SOX6: variants seen among roughly 807,000 people sequenced by gnomAD.
SOX6 encodes the protein SRY-box transcription factor 6.
In SOX6, 11 loss-of-function variants were observed where a neutral mutation model predicts 97.8. The observed-to-expected ratio is 0.11, with a 90% confidence interval of 0.07 to 0.19. The LOEUF (loss-of-function observed/expected upper bound fraction) is 0.19. Ranked by LOEUF, SOX6 falls within the 10% of genes least tolerant of loss-of-function variation. The pLI is 1.00. For synonymous variants in SOX6, 360 were observed against 371.4 expected (o/e 0.97, Z 0.35); for missense variants, 810 against 1,039.5 (o/e 0.78, Z 3.04).
intron 4 of SOX6, among the ~76,000 whole-genome samples, chr11:16,580,913 A>T (rs10832646): frequency 0.41 from 61,828 of 151,848 alleles, 13,600 homozygotes; most frequent in African/African-American, 0.57. Flanking sequence ...CTCACGCCAG[A>T]CAGAATAGCG....
intron 12 of SOX6, among the ~76,000 whole-genome samples, chr11:16,044,136 T>C (rs1183322504): frequency 2.0e-5 from 3 of 152,118 alleles, no homozygotes; most frequent in Non-Finnish European, 2.9e-5. Context: ...CCTTAGCAAT[T>C]CTAAAAGCAC....
chr11:16,188,560 G>C (rs79540168), intron 4 of SOX6, among the ~76,000 whole-genome samples: 1 of 152,080 alleles, frequency 6.6e-6, no homozygotes, highest in South Asian at 2.1e-4. Context: ...AGGACAAAAA[G>C]TTCAACTAAT....
chr11:16,445,011 T>C (rs889895094), intron 1 of SOX6, among the ~76,000 whole-genome samples: 2 of 152,182 alleles, frequency 1.3e-5, no homozygotes, highest in African/African-American at 4.8e-5. Context: ...TTTTTTTCTG[T>C]ACTTGCCCCA....
At chr11:16,363,802 T>TA (rs113077220) in intron 1 of SOX6, among the ~76,000 whole-genome samples, 46,949 of 147,366 alleles carry the variant, frequency 0.32, 8,116 homozygotes, top group Non-Finnish European at 0.4. Context: ...AGCTTAAAGA[T>TA]AAAAAAAAAA....
At chr11:16,354,793 A>G (rs1484711636) in intron 1 of SOX6, among the ~76,000 whole-genome samples, 1 of 152,062 alleles carries the variant, frequency 6.6e-6, no homozygotes, top group Non-Finnish European at 1.5e-5. Context: ...AAAAAGTCTG[A>G]GCTACCCTAT....
rs1277664991 is a variant in SOX6 at position 16,613,651 on chromosome 11, A to G, written n.430-1391T>C. On this transcript the variant is annotated intron_variant and non_coding_transcript_variant, in intron 3 of 5. Coordinates refer to the SOX6 transcript ENST00000524520. The surrounding 1 kb of genome is among the most constrained non-coding windows in gnomAD (Gnocchi z 4.6). ...AGCACACACACACGCACGCACACAC[A>G]CAGACACGCGCGTATTCTGAAATTC... 1.3e-5 allele frequency among the ~76,000 whole-genome samples: 2 copies of G among 151,846 alleles called. No homozygotes were observed.
chr11:16,107,955 G>T (rs1849137633), intron 7 of SOX6, among the ~76,000 whole-genome samples: 1 of 152,108 alleles, frequency 6.6e-6, no homozygotes, highest in African/African-American at 2.4e-5. Flanking sequence ...AAGTTACTCA[G>T]TTTCACCGTC....
intron 4 of SOX6, among the ~76,000 whole-genome samples, chr11:16,189,030 T>C (rs1207777072): frequency 6.6e-6 from 1 of 152,128 alleles, no homozygotes; most frequent in African/African-American, 2.4e-5. Context: ...GCCACTGCAC[T>C]CCAGCCTGGG....
At chr11:16,090,023 T>C (rs556882991) in intron 9 of SOX6, among the ~76,000 whole-genome samples, 54 of 152,204 alleles carry the variant, frequency 3.5e-4, no homozygotes, top group African/African-American at 1.3e-3. Flanking sequence ...ATATGATACA[T>C]AATATCAACC....
At chr11:16,123,459 T>A (rs1849540472) in intron 6 of SOX6, among the ~76,000 whole-genome samples, 1 of 151,908 alleles carries the variant, frequency 6.6e-6, no homozygotes, top group Non-Finnish European at 1.5e-5. Context: ...CCTGTACATG[T>A]GATTGGGGGG....
chr11:16,489,077 T>G (rs894679326), intron 4 of SOX6, among the ~76,000 whole-genome samples: 1 of 152,148 alleles, frequency 6.6e-6, no homozygotes, highest in African/African-American at 2.4e-5. Flanking sequence ...AAAGACTATG[T>G]TCTTAGGAAA....
intron 6 of SOX6, among the ~76,000 whole-genome samples, chr11:16,131,645 T>C (rs1849742034): frequency 6.7e-6 from 1 of 148,582 alleles, no homozygotes; most frequent in Admixed American, 6.9e-5. Flanking sequence ...ATAGTACTCC[T>C]AAAAGCCAAT....
intron 6 of SOX6, among the ~76,000 whole-genome samples, chr11:16,177,201 A>T (rs1420379331): frequency 1.3e-5 from 2 of 151,932 alleles, no homozygotes; most frequent in Non-Finnish European, 2.9e-5. Context: ...TGATAAACTT[A>T]CTATATTGTC....
intron 4 of SOX6, among the ~76,000 whole-genome samples, chr11:16,227,000 A>G (rs1852707666): frequency 6.6e-6 from 1 of 152,188 alleles, no homozygotes; most frequent in Non-Finnish European, 1.5e-5. Flanking sequence ...ACCAAGATTC[A>G]AACCCTACTT....
chr11:16,125,856 A>AAGG (rs1170006170), intron 6 of SOX6, among the ~76,000 whole-genome samples: 1 of 151,240 alleles, frequency 6.6e-6, no homozygotes, highest in Non-Finnish European at 1.5e-5. Context: ...GGAAGGAAGG[A>AAGG]AGGAAGGAAG....
chr11:16,444,134 A>T (rs1465899196), intron 1 of SOX6, among the ~76,000 whole-genome samples: 3 of 150,290 alleles, frequency 2.0e-5, no homozygotes, highest in Non-Finnish European at 3.0e-5. Context: ...AACTGTTATA[A>T]AAAAAAAAGT....
chr11:16,484,330 A>C, intron 4 of SOX6: 1 of 886,438 alleles, frequency 1.1e-6, no homozygotes, highest in Non-Finnish European at 1.9e-6. Flanking sequence ...GCTTAAAGCC[A>C]GTTGGCCAGT....
chr11:16,575,869 T>C (rs1276815575), intron 4 of SOX6, among the ~76,000 whole-genome samples: 4 of 152,222 alleles, frequency 2.6e-5, no homozygotes, highest in East Asian at 1.9e-4. Context: ...GTTGGTTACA[T>C]AGGATTCACA....
intron 4 of SOX6, among the ~76,000 whole-genome samples, chr11:16,210,004 T>C (rs1256000018): frequency 6.6e-6 from 1 of 152,082 alleles, no homozygotes; most frequent in African/African-American, 2.4e-5. Flanking sequence ...AATAAGACAG[T>C]ATGTGGAGAA....
Sources: gnomAD v4.1 joint callset for allele counts (sites outside exome capture counted in the v4.1 genomes callset) on GRCh38, gnomAD v4.1.1 for gene constraint, Gnocchi (gnomAD v3.1) non-coding constraint, MANE v1.5 for transcripts, NCBI Gene and HGNC (gene_info 2026-07-23, HGNC 2026-07-21) for gene names.